TSNARE1: variants seen among roughly 807,000 people sequenced by gnomAD.
The protein encoded by TSNARE1 is t-SNARE domain-containing protein 1.
Under a neutral mutation model 62.0 loss-of-function variants are expected in TSNARE1, and 49 were observed. The ratio of observed to expected loss-of-function variants is 0.79; its 90% CI spans 0.63 to 1.00. The LOEUF (loss-of-function observed/expected upper bound fraction) is 1.00. Among genes scored for constraint, TSNARE1 ranks in the 50% least tolerant of loss-of-function variants. The pLI, the probability that TSNARE1 is intolerant of heterozygous loss-of-function variation, is 0.00. For missense variants in TSNARE1, 755 were observed against 700.1 expected (o/e 1.08, Z -0.88); for synonymous variants, 328 against 294.4 (o/e 1.11, Z -1.17).
intron 12 of TSNARE1, among the ~76,000 whole-genome samples, chr8:142,272,138 C>T (rs1819635608): frequency 7.4e-6 from 1 of 134,396 alleles, no homozygotes; most frequent in African/African-American, 3.1e-5. Context: ...TTCCAACCTC[C>T]TCTTCCTTCT....
At chr8:142,371,601 G>A (rs1033829529) in intron 1 of TSNARE1, among the ~76,000 whole-genome samples, 3 of 152,208 alleles carry the variant, frequency 2.0e-5, no homozygotes, top group Admixed American at 6.5e-5. Context: ...CCCTTGTGAG[G>A]AGGTATCGGG....
intron 12 of TSNARE1, among the ~76,000 whole-genome samples, chr8:142,263,189 C>T (rs1818974478): frequency 6.6e-6 from 1 of 152,154 alleles, no homozygotes; most frequent in Admixed American, 6.5e-5. Context: ...AAAATTCTTG[C>T]CTTTCTATTT....
intron 9 of TSNARE1, among the ~76,000 whole-genome samples, chr8:142,305,951 A>C (rs563768326): frequency 2.0e-5 from 3 of 152,350 alleles, no homozygotes; most frequent in Non-Finnish European, 4.4e-5. Context: ...TTCAGAAAGC[A>C]GGGACCCGAG....
intron 9 of TSNARE1, among the ~76,000 whole-genome samples, chr8:142,309,300 C>G (rs899905316): frequency 1.3e-5 from 2 of 152,160 alleles, no homozygotes; most frequent in African/African-American, 4.8e-5. Flanking sequence ...CAATGGGGAA[C>G]AGAAACCACA....
intron 12 of TSNARE1, chr8:142,247,737 C>T (rs1817958013): frequency 6.6e-6 from 1 of 152,266 alleles, no homozygotes; most frequent in Non-Finnish European, 1.5e-5. Context: ...TCCCCCGCTC[C>T]CAGGAGATCA....
intron 13 of TSNARE1, among the ~76,000 whole-genome samples, chr8:142,214,890 G>A (rs1005524949): frequency 6.6e-6 from 1 of 152,184 alleles, no homozygotes; most frequent in Non-Finnish European, 1.5e-5. Flanking sequence ...AGCCTCCAGG[G>A]CAAAGAGCAG....
chr8:142,275,625 G>A (rs1019097325), intron 11 of TSNARE1: 271 of 985,306 alleles, frequency 2.8e-4, no homozygotes, highest in Non-Finnish European at 3.0e-4. Flanking sequence ...ATGCAAACAC[G>A]AGCAAACACG....
At chr8:142,225,487 T>C (rs1375947197) in intron 13 of TSNARE1, among the ~76,000 whole-genome samples, 1 of 152,128 alleles carries the variant, frequency 6.6e-6, no homozygotes, top group African/African-American at 2.4e-5. Flanking sequence ...ACTGTCCATT[T>C]CCATCTATCT....
intron 10 of TSNARE1, among the ~76,000 whole-genome samples, chr8:142,293,048 C>G (rs552718386): frequency 6.6e-6 from 1 of 152,156 alleles, no homozygotes; most frequent in Non-Finnish European, 1.5e-5. Flanking sequence ...TGAAGAAATC[C>G]CAGGACTCCG....
At chr8:142,240,875 T>C (rs1817642428) in intron 12 of TSNARE1, among the ~76,000 whole-genome samples, 1 of 152,222 alleles carries the variant, frequency 6.6e-6, no homozygotes, top group African/African-American at 2.4e-5. Flanking sequence ...TAGATGCTTA[T>C]GTTAGAAAAT....
In TSNARE1 at chr8:142,374,765, G is replaced by C. The variant is rs149214675; in HGVS notation, c.-39-20002C>G. On this transcript the variant is annotated intron_variant, in intron 1 of 13. Transcript: ENST00000524325. ...AACAAAGACCATCTGAAAAGGGGAA[G>C]GAGGCTCTGAGAAGGCTCTGGAAAC... 5.4e-3 allele frequency among the ~76,000 whole-genome samples: 823 copies of C among 152,118 alleles called. 22 individuals are homozygous for C. The South Asian group carries it at 0.073, about 14-fold the overall frequency.
intron 10 of TSNARE1, among the ~76,000 whole-genome samples, chr8:142,285,789 T>C (rs1822637905): frequency 6.6e-6 from 1 of 152,184 alleles, no homozygotes; most frequent in Non-Finnish European, 1.5e-5. Context: ...CCATCTTCCA[T>C]GCTGTCTACC....
chr8:142,256,226 TCACCAC>T (rs1316937179), intron 12 of TSNARE1, among the ~76,000 whole-genome samples: 1 of 75,708 alleles, frequency 1.3e-5, no homozygotes. Context: ...ACCATCACTA[TCACCAC>T]CACCACCATC....
chr8:142,357,366 C>G (rs562413061), intron 1 of TSNARE1, among the ~76,000 whole-genome samples: 1 of 152,334 alleles, frequency 6.6e-6, no homozygotes, highest in African/African-American at 2.4e-5. Flanking sequence ...CAAGGGGGCT[C>G]TGAGCACAGG....
intron 9 of TSNARE1, among the ~76,000 whole-genome samples, chr8:142,302,962 G>A (rs949129837): frequency 9.9e-5 from 15 of 152,168 alleles, no homozygotes; most frequent in African/African-American, 3.6e-4. Flanking sequence ...AAGCATGGAG[G>A]CACTAGGGGT....
intron 11 of TSNARE1, chr8:142,275,275 GT>G: frequency 1.0e-6 from 1 of 985,476 alleles, no homozygotes; most frequent in Non-Finnish European, 1.2e-6. Context: ...CGTCTGTGGA[GT>G]TGCGACGCGG....
chr8:142,302,371 G>A (rs1288434689), intron 9 of TSNARE1, among the ~76,000 whole-genome samples: 1 of 152,202 alleles, frequency 6.6e-6, no homozygotes, highest in Non-Finnish European at 1.5e-5. Context: ...CGTCTGGACA[G>A]GAGGATCTGA....
At chr8:142,327,347 G>T (rs568956135) in intron 6 of TSNARE1, among the ~76,000 whole-genome samples, 2 of 151,864 alleles carry the variant, frequency 1.3e-5, no homozygotes, top group African/African-American at 4.8e-5. Context: ...GAATGGGTCC[G>T]TCCTTACAGT....
At chr8:142,285,033 T>C (rs1822444721) in intron 10 of TSNARE1, among the ~76,000 whole-genome samples, 2 of 152,214 alleles carry the variant, frequency 1.3e-5, no homozygotes, top group South Asian at 4.2e-4. Context: ...AGAAGTGGGA[T>C]AGATGGACGA....
Sources: allele counts gnomAD v4.1 joint callset (sites outside exome capture counted in the v4.1 genomes callset), GRCh38; gene constraint gnomAD v4.1.1; transcripts MANE v1.5; gene names NCBI Gene and HGNC (gene_info 2026-07-23, HGNC 2026-07-21).